Variants in COL17A1 observed in about 807,000 individuals in gnomAD.
COL17A1 encodes the protein collagen type XVII alpha 1 chain, also known as collagen alpha-1(XVII) chain.
A neutral mutation model predicts 218.4 loss-of-function variants in COL17A1; 181 were observed. The observed-to-expected ratio is 0.83, with a 90% CI of 0.73 to 0.94. COL17A1 has a LOEUF of 0.94. Among genes scored for constraint, COL17A1 ranks in the 40% least tolerant of loss-of-function variants. COL17A1 has a pLI of 0.00. For synonymous variants in COL17A1, 721 were observed against 731.0 expected, an observed-to-expected ratio of 0.99 and a Z score of 0.22; for missense variants, 1,924 against 1,945.9, an observed-to-expected ratio of 0.99 and a Z score of 0.21.
At chr10:104,040,067 G>A in intron 40 of COL17A1, 68 bp from the exon 41 acceptor site, 2 of 1,557,496 alleles carry the variant, frequency 1.3e-6, no homozygotes, top group Non-Finnish European at 1.8e-6. Flanking sequence ...ATGGGCCCAT[G>A]GAGGAGGGGA....
rs1357729530 is a variant in COL17A1, at chr10:104,032,038, C to G, written c.*197G>C. The G allele has an allele frequency of 4.8e-6, 3 of 619,830 alleles. No individual in the cohort carries two copies. The East Asian group carries it at 8.2e-5, about 17-fold the overall frequency. The allele number at this position is 619,830 out of a possible 1,614,324, so 38.4% of individuals were successfully genotyped here. A position where few individuals can be genotyped will look rare whatever the true frequency, so the allele number is the denominator to read the frequency against. On this transcript the variant is annotated 3_prime_UTR_variant, in exon 56 of 56. Transcript: ENST00000648076. ...TACTGTTAGAGTCCACCCCATGAAG[C>G]TGTTTCAGATTGTGTATCTTTGACT...
At chr10:104,042,069 C>T (rs1200872499) in intron 36 of COL17A1, among the ~76,000 whole-genome samples, 1 of 152,198 alleles carries the variant, frequency 6.6e-6, no homozygotes, top group Non-Finnish European at 1.5e-5. Context: ...CGGCAGTCTC[C>T]ACCTGGGCTC....
Position 104,060,214 on chromosome 10 carries a change from T to C in COL17A1, c.1046A>G (p.Lys349Arg). Reference protein sequence around the residue: ...HKDCKFLILEKDNTPAKKEME... With the variant: ...HKDCKFLILERDNTPAKKEME... ...CTCCTTCTTGGCAGGTGTGTTGTCT[T>C]TCTCTAGGATCAGGAACTTGCAGTC... Residue 349 changes from lysine (K) to arginine (R), a missense_variant, in exon 14 of 56, where the codon AAA (lysine) becomes AGA (arginine). Lys to Arg is a conservative substitution (Grantham distance 26, BLOSUM62 2). Coordinates refer to ENST00000648076, the MANE Select transcript of COL17A1 (RefSeq NM_000494.4). The C allele has an allele frequency of 6.2e-7, 1 of 1,614,194 alleles. No individual in the cohort carries two copies. Among genetic ancestry groups the C allele is most frequent in the Non-Finnish European group, 8.5e-7 (1 of 1,180,022 alleles).
rs1490789233 is a variant in COL17A1, at chr10:104,076,341, G to T, written c.291C>A (p.Thr97=). 2 of 1,614,088 alleles carry T rather than the reference G, an allele frequency of 1.2e-6. No homozygotes were observed. The highest frequency in any genetic ancestry group is 1.3e-5 in the African/African-American group (1 of 74,938). ...GGGTAACGTGAGTTTTCCTTTCAAA[G>T]GTTGAGCCTGGGGAGTTGGGCAGAG... ...ASTLPNSPGS[T]FERKTHVTRH... The change falls in exon 5 of 56, where the codon ACC becomes ACA. Residue 97 remains threonine, a synonymous_variant. Transcript: ENST00000648076.
At chr10:104,059,799 C>T in intron 14 of COL17A1, 81 bp from the exon 15 acceptor site, 2 of 1,419,960 alleles carry the variant, frequency 1.4e-6, no homozygotes, top group Non-Finnish European at 2.0e-6. Context: ...CGCCCTTGCC[C>T]ACTACCCTGC....
rs201509897 is a variant in COL17A1 at position 104,064,616 on chromosome 10, C to A, written c.608-20G>T. On this transcript the variant is annotated intron_variant, in intron 9 of 55. Coordinates refer to ENST00000648076, the MANE Select transcript of COL17A1 (RefSeq NM_000494.4). ...CTGACACTGGAAACAGACACATGCA[C>A]ACACCCCAGTGAGAGACAAATCAAC... 8 of 1,605,822 alleles carry A rather than the reference C, an allele frequency of 5.0e-6. No individual in the cohort carries two copies. In the East Asian group the frequency reaches 1.8e-4, roughly 36 times the overall value.
intron 8 of COL17A1, 149 bp from the exon 9 acceptor site, chr10:104,070,718 T>A: frequency 6.4e-7 from 1 of 1,552,546 alleles, no homozygotes; most frequent in Non-Finnish European, 8.7e-7. Context: ...CTTTATAATA[T>A]TCACATTTTA....
chr10:104,061,320 T>G, intron 13 of COL17A1, 85 bp downstream of exon 13: 1 of 1,339,564 alleles, frequency 7.5e-7, no homozygotes, highest in Non-Finnish European at 1.0e-6. Flanking sequence ...ACCATGTGTA[T>G]TGGAAGGATA....
chr10:104,067,078 G>A (rs1455957409), intron 9 of COL17A1, among the ~76,000 whole-genome samples: 1 of 152,146 alleles, frequency 6.6e-6, no homozygotes, highest in African/African-American at 2.4e-5. Context: ...ATAATTAAAA[G>A]GGCAGCCATG....
At position 104,076,314 on chromosome 10, in the gene COL17A1, G is replaced by A; in HGVS notation, c.318C>T (p.Arg106=). 1 of 1,614,178 alleles carries A rather than the reference G, an allele frequency of 6.2e-7. No homozygotes were observed. The highest frequency in any genetic ancestry group is 8.5e-7 in the Non-Finnish European group (1 of 1,180,010). The part of the protein sequence containing the change: ...STFERKTHVT[R]HAYEGSSSGN... ...TGGGACTGATACCTTCATACGCATGGCGGGTAACGTGAGTTTTCCTTTCAA... is the reference window on the plus strand; with the variant it reads ...TGGGACTGATACCTTCATACGCATGACGGGTAACGTGAGTTTTCCTTTCAA... Residue 106 remains arginine, a synonymous_variant, in exon 5 of 56, where the codon CGC becomes CGT. Coordinates refer to ENST00000648076, the MANE Select transcript of COL17A1 (RefSeq NM_000494.4).
chr10:104,041,427 G>A (rs2134586284), intron 37 of COL17A1, 58 bp downstream of exon 37: 1 of 1,602,614 alleles, frequency 6.2e-7, no homozygotes, highest in Non-Finnish European at 8.5e-7. Flanking sequence ...CTCACTAAGT[G>A]CATTGAATCT....
Position 104,033,297 on chromosome 10 carries a change from A to T in COL17A1, c.4235T>A (p.Ile1412Asn), listed in dbSNP as rs749788921. ...GQPGPQGPPGISKVFSAYSNV... is the reference protein window; with the variant it reads ...GQPGPQGPPGNSKVFSAYSNV... ...GCTGTAGGCAGAGAAGACCTTGCTG[A>T]TGCCGGGTGGCCCCTGTGGCCCAGG... The change falls in exon 53 of 56, where the codon ATC becomes AAC. Residue 1412 changes from isoleucine to asparagine, a missense_variant. Transcript: ENST00000648076. 6.2e-7 allele frequency: 1 copy of T among 1,603,078 alleles called. No individual in the cohort carries two copies. Among genetic ancestry groups the T allele is most frequent in the South Asian group, 1.1e-5 (1 of 88,746 alleles).
chr10:104,072,618 A>G (rs1289430907), intron 7 of COL17A1, among the ~76,000 whole-genome samples: 6 of 152,212 alleles, frequency 3.9e-5, no homozygotes, highest in African/African-American at 1.4e-4. Flanking sequence ...TATTGATGAT[A>G]ATAAGGCCCA....
chr10:104,034,869 G>T, intron 50 of COL17A1, 102 bp from the exon 51 acceptor site: 3 of 1,468,238 alleles, frequency 2.0e-6, no homozygotes, highest in South Asian at 1.3e-5. Context: ...GAAAGGAGGG[G>T]ATGAGGCTGG....
chr10:104,068,667 G>C (rs2086646136), intron 9 of COL17A1, among the ~76,000 whole-genome samples: 1 of 152,174 alleles, frequency 6.6e-6, no homozygotes, highest in African/African-American at 2.4e-5. Context: ...TGTACATGGG[G>C]AACTGATCAA....
In COL17A1 at chr10:104,073,254, C is replaced by T; in HGVS notation, c.380-9G>A. 2 of 1,613,472 alleles carry T rather than the reference C, an allele frequency of 1.2e-6. No homozygotes were observed. The highest frequency in any genetic ancestry group is 1.7e-6 in the Non-Finnish European group (2 of 1,179,610). ...TCTGGTTGAAGAAGATGCTGAGAAA[C>T]AAAGAAATGCATTTTTAGGCATATA... On this transcript the variant is annotated splice_polypyrimidine_tract_variant and intron_variant, in intron 6 of 55. Transcript: ENST00000648076.
At chr10:104,047,527 T>C (rs1382275788) in intron 31 of COL17A1, among the ~76,000 whole-genome samples, 1 of 152,180 alleles carries the variant, frequency 6.6e-6, no homozygotes, top group Non-Finnish European at 1.5e-5. Flanking sequence ...ACTATGGCAG[T>C]TCCCTGCTGA....
rs796118381 is a variant in COL17A1 at position 104,059,498 on chromosome 10, T to C, written c.1222+140A>G. On this transcript the variant is annotated intron_variant, in intron 15 of 55. Coordinates refer to ENST00000648076, the MANE Select transcript of COL17A1 (RefSeq NM_000494.4). ...CAGATCTGAGCTAGGGCTGGGATCC[T>C]GCTTTTATAACACACTCCCAGGTGT... 4.0e-5 allele frequency: 31 copies of C among 772,308 alleles called. No individual in the cohort carries two copies. In the African/African-American group the frequency reaches 4.4e-4, roughly 11 times the overall value. 47.8% of individuals were successfully genotyped at this position (772,308 alleles called of 1,614,324 possible). A position where few individuals can be genotyped will look rare whatever the true frequency, so the allele number is the denominator to read the frequency against.
chr10:104,053,541 T>G (rs1307724955), intron 22 of COL17A1, among the ~76,000 whole-genome samples: 5 of 151,724 alleles, frequency 3.3e-5, no homozygotes, highest in African/African-American at 1.2e-4. Context: ...GCCTGGAATG[T>G]TTTCCCTAGA....
Sources: gnomAD v4.1 joint callset for allele counts (sites outside exome capture counted in the v4.1 genomes callset) on GRCh38, gnomAD v4.1.1 for gene constraint, MANE v1.5 for transcripts, NCBI Gene and HGNC (gene_info 2026-07-23, HGNC 2026-07-21) for gene names.